Variants in GLRA2 observed in about 807,000 individuals in gnomAD.
The protein encoded by GLRA2 is glycine receptor alpha 2.
A neutral mutation model predicts 31.6 loss-of-function variants in GLRA2; 11 were observed. The observed-to-expected ratio is 0.35, with a 90% CI of 0.22 to 0.58. The LOEUF is 0.58. GLRA2 is among the 20% of genes least tolerant of loss of function. The pLI, the probability that GLRA2 is intolerant of heterozygous loss-of-function variation, is 0.84. For missense variants in GLRA2, 212 were observed against 351.8 expected (o/e 0.60, Z 3.18); for synonymous variants, 132 against 134.0 (o/e 0.99, Z 0.10).
chrX:14,502,883 CAAA>C, the GLRA2 span, among the ~76,000 whole-genome samples: 2 of 42,116 alleles, frequency 4.7e-5, no homozygotes, highest in Non-Finnish European at 8.2e-5. Context: ...CACAAAAATG[CAAA>C]AAAAAAAAAA....
intron 7 of GLRA2, 26 bp from the exon 8 acceptor site, chrX:14,690,684 T>A: frequency 9.9e-7 from 1 of 1,008,072 alleles, no homozygotes; most frequent in Non-Finnish European, 1.4e-6. Context: ...TCTCTGTGTG[T>A]GTGTGTGTCT....
At chrX:14,452,689 C>T in the GLRA2 span, among the ~76,000 whole-genome samples, 2 of 104,366 alleles carry the variant, frequency 1.9e-5, no homozygotes, top group African/African-American at 6.7e-5. Flanking sequence ...TTTTAATAGA[C>T]TGAGAAGTGG....
chrX:14,670,971 G>T lies in GLRA2; in HGVS notation c.931-19739G>T, dbSNP rs749915141. On this transcript the variant is annotated intron_variant, in intron 7 of 8. Transcript: ENST00000218075. ...AGTTGGCATATGCTGAATGATTCTC[G>T]CACAGTATTAGACAGGAAATACTAG... is the stretch of plus-strand genomic sequence containing the variant. Among the ~76,000 whole-genome samples, 6 of 111,559 alleles carry T rather than the reference G, an allele frequency of 5.4e-5. No homozygotes were observed. The East Asian group carries it at 1.4e-3, about 26-fold the overall frequency.
At chrX:14,611,605 T>C (rs1464878872) in intron 7 of GLRA2, among the ~76,000 whole-genome samples, 1 of 112,647 alleles carries the variant, frequency 8.9e-6, no homozygotes, top group Non-Finnish European at 1.9e-5. Flanking sequence ...AACATATATA[T>C]AGTTTTTAAT....
rs983166765 is a variant in GLRA2, at chrX:14,660,325, G to C, written c.931-30385G>C. On this transcript the variant is annotated intron_variant, in intron 7 of 8. Coordinates refer to ENST00000218075, the MANE Select transcript of GLRA2 (RefSeq NM_002063.4). ...CCAGGCAGAGGAAACAGTCAGTGCAGAAACTCTACGGTGAAAGCAACAAAG... is the reference window on the plus strand; with the variant it reads ...CCAGGCAGAGGAAACAGTCAGTGCACAAACTCTACGGTGAAAGCAACAAAG... Among the ~76,000 whole-genome samples the C allele has an allele frequency of 3.6e-5, 4 of 111,799 alleles. No individual in the cohort carries two copies. The East Asian group carries it at 1.1e-3, about 32-fold the overall frequency.
At chrX:14,577,488 GGATT>G (rs765252617) in intron 3 of GLRA2, among the ~76,000 whole-genome samples, 18 of 112,526 alleles carry the variant, frequency 1.6e-4, no homozygotes, top group Non-Finnish European at 3.4e-4. Context: ...TGATAACAAA[GGATT>G]GATTGGTTGG....
the GLRA2 span, among the ~76,000 whole-genome samples, chrX:14,518,846 TGA>T: frequency 3.0e-5 from 3 of 99,745 alleles, no homozygotes; most frequent in African/African-American, 1.1e-4. Context: ...CCGTCTCTAC[TGA>T]AAAAAAAAAA....
chrX:14,609,595 A>G (rs1373889122), intron 7 of GLRA2, among the ~76,000 whole-genome samples: 2 of 111,425 alleles, frequency 1.8e-5, no homozygotes, highest in Non-Finnish European at 3.8e-5. Context: ...ATTGCAATTC[A>G]TATGTTTAGT....
chrX:14,667,465 C>G (rs2091047693), intron 7 of GLRA2, among the ~76,000 whole-genome samples: 1 of 111,873 alleles, frequency 8.9e-6, no homozygotes, highest in Non-Finnish European at 1.9e-5. Flanking sequence ...TCTAATTAAA[C>G]TGTATTTGCA....
At chrX:14,633,457 T>G (rs1163062430) in intron 7 of GLRA2, among the ~76,000 whole-genome samples, 1 of 111,992 alleles carries the variant, frequency 8.9e-6, no homozygotes, top group African/African-American at 3.2e-5. Flanking sequence ...CTTGCACCAC[T>G]GCACTGCAGC....
chrX:14,482,573 A>C, the GLRA2 span, among the ~76,000 whole-genome samples: 1 of 111,369 alleles, frequency 9.0e-6, no homozygotes, highest in Non-Finnish European at 1.9e-5. Flanking sequence ...AATGCATATA[A>C]AAGCTAGTAA....
chrX:14,598,948 T>G (rs1432837493), intron 4 of GLRA2, among the ~76,000 whole-genome samples: 1 of 112,394 alleles, frequency 8.9e-6, no homozygotes, highest in Non-Finnish European at 1.9e-5. Context: ...ATCAGTCATT[T>G]AAATTTTAAG....
At chrX:14,658,626 T>C (rs1363583364) in intron 7 of GLRA2, among the ~76,000 whole-genome samples, 3 of 111,347 alleles carry the variant, frequency 2.7e-5, no homozygotes, top group African/African-American at 9.8e-5. Flanking sequence ...AGTTTATTTT[T>C]TCTCCCTACA....
At chrX:14,617,412 AT>A (rs974144826) in intron 7 of GLRA2, among the ~76,000 whole-genome samples, 3 of 111,804 alleles carry the variant, frequency 2.7e-5, no homozygotes, top group African/African-American at 9.7e-5. Flanking sequence ...GTAAAGGCAG[AT>A]TTTTTTACAA....
intron 2 of GLRA2, among the ~76,000 whole-genome samples, chrX:14,554,990 A>C (rs2089622127): frequency 9.0e-6 from 1 of 111,515 alleles, no homozygotes; most frequent in Admixed American, 9.5e-5. Context: ...TTTTTACTGA[A>C]GCATAATTTT....
the GLRA2 span, among the ~76,000 whole-genome samples, chrX:14,501,917 A>T: frequency 9.0e-6 from 1 of 111,257 alleles, no homozygotes; most frequent in Non-Finnish European, 1.9e-5. Context: ...TGGATTGCAG[A>T]TGACCGTCTT....
intron 7 of GLRA2, among the ~76,000 whole-genome samples, chrX:14,672,289 T>C (rs773207612): frequency 1.8e-5 from 2 of 112,609 alleles, no homozygotes; most frequent in South Asian, 3.6e-4. Context: ...CTGAAGCAGA[T>C]GTATGCAACT....
intron 7 of GLRA2, among the ~76,000 whole-genome samples, chrX:14,659,676 G>A (rs138129322): frequency 0.027 from 2,967 of 110,418 alleles, 63 homozygotes; most frequent in African/African-American, 0.074. Context: ...ATCAAGAGGA[G>A]TGAACCTGGG....
upstream of GLRA2, among the ~76,000 whole-genome samples, chrX:14,528,661 A>G (rs2089213196): frequency 1.8e-5 from 2 of 112,313 alleles, no homozygotes; most frequent in East Asian, 2.8e-4. Context: ...TAGCCAATTT[A>G]GGAGAATAGC....
Sources: gnomAD v4.1 joint callset for allele counts (sites outside exome capture counted in the v4.1 genomes callset) on GRCh38, gnomAD v4.1.1 for gene constraint, MANE v1.5 for transcripts, NCBI Gene and HGNC (gene_info 2026-07-23, HGNC 2026-07-21) for gene names.